PUM2: variants seen among roughly 807,000 people sequenced by gnomAD.
PUM2 encodes pumilio RNA binding family member 2.
In PUM2, 57 loss-of-function variants were observed where a neutral mutation model predicts 124.5. The observed-to-expected ratio is 0.46, with a 90% CI of 0.37 to 0.57. The LOEUF (loss-of-function observed/expected upper bound fraction) is 0.57, where lower values mean the gene tolerates loss of function less well. Ranked by LOEUF, PUM2 falls within the 20% of genes least tolerant of loss-of-function variation. The pLI, the probability that PUM2 is intolerant of heterozygous loss-of-function variation, is 0.00. For synonymous variants in PUM2, 460 were observed against 446.1 expected (o/e 1.03, Z -0.39); for missense variants, 1,065 against 1,290.6 (o/e 0.83, Z 2.68).
At chr2:20,300,701 A>G (rs1413658378) in intron 7 of PUM2, among the ~76,000 whole-genome samples, 1 of 152,088 alleles carries the variant, frequency 6.6e-6, no homozygotes, top group Non-Finnish European at 1.5e-5. Context: ...CACCAAGCCA[A>G]AAAGAAAAGT....
intron 9 of PUM2, 35 bp from the exon 10 acceptor site, chr2:20,290,825 T>TA: frequency 6.8e-7 from 1 of 1,472,164 alleles, no homozygotes; most frequent in Non-Finnish European, 9.1e-7. Flanking sequence ...AAAATCAATA[T>TA]AAAATAATAG....
chr2:20,266,029 C>T (rs141718654), intron 13 of PUM2, among the ~76,000 whole-genome samples: 21 of 152,240 alleles, frequency 1.4e-4, no homozygotes, highest in African/African-American at 5.1e-4. Flanking sequence ...CTATCAGCTC[C>T]TAACAACAGA....
intron 2 of PUM2, among the ~76,000 whole-genome samples, chr2:20,324,491 G>A (rs913673809): frequency 6.6e-6 from 1 of 152,120 alleles, no homozygotes. Context: ...CCTCTTTCCT[G>A]TTATTTAAAA....
chr2:20,255,485 A>G (rs10195817), intron 17 of PUM2, 144 bp from the exon 18 acceptor site: 26,927 of 748,236 alleles, frequency 0.036, 573 homozygotes, highest in Middle Eastern at 0.052. Context: ...ATTTAATATG[A>G]CTACCACCAT....
At chr2:20,283,980 T>C (rs1376868697) in intron 10 of PUM2, among the ~76,000 whole-genome samples, 1 of 152,246 alleles carries the variant, frequency 6.6e-6, no homozygotes, top group Non-Finnish European at 1.5e-5. Context: ...TTTGTGAAGA[T>C]TCTCAAGCTA....
chr2:20,350,595 A>G lies in PUM2; in HGVS notation c.-19+2T>C, dbSNP rs1233876308. The G allele has an allele frequency of 1.0e-5, 10 of 985,436 alleles. No homozygotes were observed. Among genetic ancestry groups the G allele is most frequent in the Non-Finnish European group, 1.2e-5 (10 of 829,994 alleles). The allele number at this position is 985,436 out of a possible 1,614,324, so 61.0% of individuals were successfully genotyped here. A position where few individuals can be genotyped will look rare whatever the true frequency, so the allele number is the denominator to read the frequency against. On this transcript the variant is annotated splice_donor_variant, in intron 1 of 20. Coordinates refer to ENST00000361078, the MANE Select transcript of PUM2 (RefSeq NM_015317.5). LOFTEE classifies it low-confidence loss of function (5UTR_SPLICE). The stretch of plus-strand genomic sequence containing the variant: ...AGAAAGAGCGAACGCGGACTGACTT[A>G]CAGGGCTGCTGCGGCCGCGCTGCCT...
rs377319211 is a variant in PUM2 at position 20,282,134 on chromosome 2, G to A, written c.1720+813C>T. 4.6e-5 allele frequency among the ~76,000 whole-genome samples: 7 copies of A among 152,318 alleles called. No individual in the cohort carries two copies. The East Asian group carries it at 7.7e-4, about 17-fold the overall frequency. On this transcript the variant is annotated intron_variant, in intron 12 of 20. Transcript: ENST00000361078. ...CAGCTGCACCGATAGAACTGGGTCAGCTGTTTTTTCCCTAATGTTTCCTGA... is the reference window on the plus strand; with the variant it reads ...CAGCTGCACCGATAGAACTGGGTCAACTGTTTTTTCCCTAATGTTTCCTGA...
At chr2:20,312,448 A>G in intron 3 of PUM2, 25 bp from the exon 4 acceptor site, 1 of 1,581,590 alleles carries the variant, frequency 6.3e-7, no homozygotes. Context: ...AAACACAATT[A>G]TATACTTATA....
intron 3 of PUM2, among the ~76,000 whole-genome samples, chr2:20,315,852 A>AC (rs924836873): frequency 6.6e-6 from 1 of 151,386 alleles, no homozygotes; most frequent in African/African-American, 2.4e-5. Context: ...AAAAAAAAAA[A>AC]AAAAAACAAA....
chr2:20,311,530 A>AAAC lies in PUM2; in HGVS notation c.479_481dup (p.Gly160_Leu161insCys), dbSNP rs1286344717. The AAAC allele has an allele frequency of 6.2e-7, 1 of 1,611,508 alleles. No individual in the cohort carries two copies. The highest frequency in any genetic ancestry group is 1.7e-5 in the Admixed American group (1 of 59,294). On this transcript the variant is annotated inframe_insertion, in exon 5 of 21. Coordinates refer to ENST00000361078, the MANE Select transcript of PUM2 (RefSeq NM_015317.5). ...GCAATCGGCATCCATTCCATTTGGCAAACCTCTGCCATTTATTTTAGAATC... is the reference window on the plus strand; with the variant it reads ...GCAATCGGCATCCATTCCATTTGGCAAACAACCTCTGCCATTTATTTTAGAATC...
intron 13 of PUM2, among the ~76,000 whole-genome samples, chr2:20,273,419 T>C (rs1480730664): frequency 6.6e-6 from 1 of 152,160 alleles, no homozygotes; most frequent in Non-Finnish European, 1.5e-5. Flanking sequence ...AGTCTTCAGT[T>C]TGTGATTATC....
At chr2:20,319,332 G>A (rs553726604) in intron 2 of PUM2, among the ~76,000 whole-genome samples, 2 of 152,180 alleles carry the variant, frequency 1.3e-5, no homozygotes, top group African/African-American at 2.4e-5. Flanking sequence ...TGTCCCTGTC[G>A]CTTAGGAGGT....
chr2:20,270,000 T>C (rs888335952), intron 13 of PUM2, among the ~76,000 whole-genome samples: 1 of 152,160 alleles, frequency 6.6e-6, no homozygotes, highest in Non-Finnish European at 1.5e-5. Context: ...TCAATTTCCA[T>C]TACCCTATCA....
At chr2:20,281,544 T>C (rs73214397) in intron 12 of PUM2, among the ~76,000 whole-genome samples, 205 of 152,346 alleles carry the variant, frequency 1.3e-3, no homozygotes, top group African/African-American at 4.6e-3. Flanking sequence ...TTGTTTTTTA[T>C]GTTACTTGTT....
rs140189614 is a variant in PUM2 at position 20,287,698 on chromosome 2, G to C, written c.1291+2954C>G. ...AGGCCAGGAGTTCAAGACCAGTCTC[G>C]CAACACAGACACTGTCTCCATAAAA... On this transcript the variant is annotated intron_variant, in intron 10 of 20. Coordinates refer to ENST00000361078, the MANE Select transcript of PUM2 (RefSeq NM_015317.5). Among the ~76,000 whole-genome samples, 883 of 152,224 alleles carry C rather than the reference G, an allele frequency of 5.8e-3. 6 individuals carry two copies. The highest frequency in any genetic ancestry group is 8.2e-3 in the Non-Finnish European group (556 of 68,000).
At chr2:20,280,855 A>T (rs1473613470) in intron 12 of PUM2, among the ~76,000 whole-genome samples, 1 of 152,198 alleles carries the variant, frequency 6.6e-6, no homozygotes, top group Non-Finnish European at 1.5e-5. Context: ...CACTTTAAAA[A>T]ATAACAGGTC....
At chr2:20,324,683 A>G (rs1222501568) in intron 2 of PUM2, among the ~76,000 whole-genome samples, 1 of 152,228 alleles carries the variant, frequency 6.6e-6, no homozygotes, top group East Asian at 1.9e-4. Flanking sequence ...CGACAGAAAC[A>G]TGCTATCAGT....
intron 1 of PUM2, among the ~76,000 whole-genome samples, chr2:20,328,448 T>C (rs1395152025): frequency 1.3e-5 from 2 of 152,124 alleles, no homozygotes; most frequent in African/African-American, 2.4e-5. Flanking sequence ...CTGTAATTAC[T>C]AGACAGGTGA....
In PUM2 at chr2:20,326,069, T is replaced by G. The variant is rs149356918; in HGVS notation, c.51+1241A>C. Among the ~76,000 whole-genome samples, 201 of 152,326 alleles carry G rather than the reference T, an allele frequency of 1.3e-3. 2 individuals are homozygous for G. Among genetic ancestry groups the G allele is most frequent in the African/African-American group, 4.5e-3 (189 of 41,564 alleles). ...AGTGGCCAGGAAAGAACAAAAGCCC[T>G]TTTCATCTGCCTCTTATTTGCCAAT... On this transcript the variant is annotated intron_variant, in intron 2 of 20. Transcript: ENST00000361078.
Sources: allele counts gnomAD v4.1 joint callset (sites outside exome capture counted in the v4.1 genomes callset), GRCh38; gene constraint gnomAD v4.1.1; transcripts MANE v1.5; gene names NCBI Gene and HGNC (gene_info 2026-07-23, HGNC 2026-07-21).